DYNC2H1: variants seen among roughly 807,000 people sequenced by gnomAD.
DYNC2H1 encodes the protein cytoplasmic dynein 2 heavy chain 1.
In DYNC2H1, 410 loss-of-function variants were observed where a neutral mutation model predicts 570.0. The ratio of observed to expected loss-of-function variants is 0.72; its 90% CI spans 0.66 to 0.78. The LOEUF is 0.78. DYNC2H1 is among the 30% of genes least tolerant of loss of function. The probability of loss-of-function intolerance (pLI) is 0.00; values close to 1 mark genes in which losing one functional copy is unlikely to be tolerated. For missense variants in DYNC2H1, 4,865 were observed against 5,046.4 expected (o/e 0.96, Z 1.09); for synonymous variants, 1,688 against 1,677.6 (o/e 1.01, Z -0.15).
intron 84 of DYNC2H1, chr11:103,404,645 C>T (rs1942784913): frequency 1.3e-5 from 2 of 150,392 alleles, no homozygotes; most frequent in South Asian, 4.2e-4. Context: ...ATTGTATAAC[C>T]TGAAAATAAG....
chr11:103,216,214 C>G (rs1046422244), intron 55 of DYNC2H1, among the ~76,000 whole-genome samples: 1 of 152,046 alleles, frequency 6.6e-6, no homozygotes, highest in Admixed American at 6.6e-5. Flanking sequence ...TGAGAGTTTT[C>G]CTTGCTTTTA....
At chr11:103,434,543 T>TA (rs748983817) in intron 84 of DYNC2H1, among the ~76,000 whole-genome samples, 1 of 151,944 alleles carries the variant, frequency 6.6e-6, no homozygotes, top group Non-Finnish European at 1.5e-5. Flanking sequence ...GCCCATCACC[T>TA]AGTCTCAAGT....
intron 28 of DYNC2H1, among the ~76,000 whole-genome samples, chr11:103,160,561 C>T (rs1218612431): frequency 1.3e-5 from 2 of 151,966 alleles, no homozygotes; most frequent in Non-Finnish European, 2.9e-5. Context: ...ACAATTCTTA[C>T]TGATTGGTAC....
rs1389602553 is a variant in DYNC2H1, at chr11:103,209,191, TTCAGCTCTA to T, written c.8455-680_8455-672del. ...CTTGTGTTTTCTTCTTGCTGGTAAC[TTCAGCTCTA>T]TCAGGTGAAAGAAATTGAAGCTATT... On this transcript the variant is annotated intron_variant, in intron 52 of 88. Coordinates refer to ENST00000375735, the MANE Select transcript of DYNC2H1 (RefSeq NM_001377.3). The surrounding 1 kb of genome is among the most constrained non-coding windows in gnomAD (Gnocchi z 4.2). Among the ~76,000 whole-genome samples, 3 of 152,114 alleles carry T rather than the reference TTCAGCTCTA, an allele frequency of 2.0e-5. No individual in the cohort carries two copies. The highest frequency in any genetic ancestry group is 7.2e-5 in the African/African-American group (3 of 41,440).
rs565472286 is a variant in DYNC2H1, at chr11:103,264,124, G to A, written c.10695+4147G>A. Among the ~76,000 whole-genome samples, 285 of 151,984 alleles carry A rather than the reference G, an allele frequency of 1.9e-3. 2 individuals are homozygous for A. Among genetic ancestry groups the A allele is most frequent in the African/African-American group, 6.3e-3 (262 of 41,446 alleles). Reference sequence around the variant, plus strand: ...ATCTAGAAGAAATGGATAAATTCCTGGACACATACACCCTCCCAAGACTAA... The same window carrying A: ...ATCTAGAAGAAATGGATAAATTCCTAGACACATACACCCTCCCAAGACTAA... On this transcript the variant is annotated intron_variant, in intron 70 of 88. Transcript: ENST00000375735. The surrounding 1 kb of genome is among the most constrained non-coding windows in gnomAD (Gnocchi z 4.8).
At position 103,469,598 on chromosome 11, in the gene DYNC2H1, A is replaced by G. The variant is rs76835308; in HGVS notation, c.12765+893A>G. ...AAGGAAAATCTTAAAAAGCGATAGCAGTTAGCAACATTGCCAAGACAGCTA... is the reference window on the plus strand; with the variant it reads ...AAGGAAAATCTTAAAAAGCGATAGCGGTTAGCAACATTGCCAAGACAGCTA... On this transcript the variant is annotated intron_variant, in intron 88 of 88. Coordinates refer to ENST00000375735, the MANE Select transcript of DYNC2H1 (RefSeq NM_001377.3). Among the ~76,000 whole-genome samples the G allele has an allele frequency of 9.4e-3, 1,428 of 152,308 alleles. 18 individuals carry two copies. Among genetic ancestry groups the G allele is most frequent in the African/African-American group, 0.032 (1,351 of 41,580 alleles).
chr11:103,365,084 G>GGTGC (rs1940839002), intron 83 of DYNC2H1, among the ~76,000 whole-genome samples: 1 of 152,164 alleles, frequency 6.6e-6, no homozygotes, highest in African/African-American at 2.4e-5. Flanking sequence ...TTGGTGCCCA[G>GGTGC]GTGCGGTGGC....
chr11:103,350,472 C>T (rs999185132), intron 82 of DYNC2H1, among the ~76,000 whole-genome samples: 2 of 152,010 alleles, frequency 1.3e-5, no homozygotes, highest in African/African-American at 4.8e-5. Flanking sequence ...AGTTGGCATC[C>T]TTACCTTGCT....
At chr11:103,211,023 A>C (rs756039086) in intron 53 of DYNC2H1, among the ~76,000 whole-genome samples, 66 of 152,092 alleles carry the variant, frequency 4.3e-4, no homozygotes, top group Non-Finnish European at 5.7e-4. Flanking sequence ...AACCAAAAGC[A>C]ATTACATCAC....
chr11:103,227,151 T>C (rs1420473172), intron 59 of DYNC2H1, among the ~76,000 whole-genome samples: 5 of 152,120 alleles, frequency 3.3e-5, no homozygotes, highest in Non-Finnish European at 7.4e-5. Context: ...GTTTCATTTA[T>C]CTTTTGTATT....
At position 103,289,686 on chromosome 11, in the gene DYNC2H1, A is replaced by G. The variant is rs955319856; in HGVS notation, c.11095+2081A>G. 3.3e-5 allele frequency among the ~76,000 whole-genome samples: 5 copies of G among 152,150 alleles called. No homozygotes were observed. Among genetic ancestry groups the G allele is most frequent in the Non-Finnish European group, 5.9e-5 (4 of 68,018 alleles). On this transcript the variant is annotated intron_variant, in intron 75 of 88. Coordinates refer to ENST00000375735, the MANE Select transcript of DYNC2H1 (RefSeq NM_001377.3). This position sits in a 1 kb window ranked among gnomAD's most constrained non-coding sequence, Gnocchi z 4.2. ...TGAAGTGGGAGGATTTCTTGAACTC[A>G]GGAGTTCAAGGTTGCAGTGAGCTGT...
chr11:103,177,483 T>G lies in DYNC2H1; in HGVS notation c.5875-73T>G. ...CTTAATTTACACATTAGAACAAGTG[T>G]TACAGAATAAAAGCAGAACTAAGTA... On this transcript the variant is annotated intron_variant, in intron 37 of 88. Coordinates refer to ENST00000375735, the MANE Select transcript of DYNC2H1 (RefSeq NM_001377.3). The surrounding 1 kb of genome is among the most constrained non-coding windows in gnomAD (Gnocchi z 4.4). The G allele has an allele frequency of 6.8e-7, 1 of 1,464,034 alleles. No homozygotes were observed. Among genetic ancestry groups the G allele is most frequent in the Non-Finnish European group, 9.2e-7 (1 of 1,090,124 alleles). The allele number at this position is 1,464,034 out of a possible 1,614,324, so 90.7% of individuals were successfully genotyped here. A position where few individuals can be genotyped will look rare whatever the true frequency, so the allele number is the denominator to read the frequency against.
chr11:103,136,838 A>G (rs1010302203), intron 17 of DYNC2H1, among the ~76,000 whole-genome samples: 1 of 152,176 alleles, frequency 6.6e-6, no homozygotes, highest in Non-Finnish European at 1.5e-5. Context: ...TTACAGTCCC[A>G]CCAACAGTGT....
intron 82 of DYNC2H1, among the ~76,000 whole-genome samples, chr11:103,354,382 A>G (rs1474623879): frequency 6.6e-6 from 1 of 152,024 alleles, no homozygotes; most frequent in Non-Finnish European, 1.5e-5. Context: ...ACTAAATTTT[A>G]ATGTGCCATC....
chr11:103,136,546 G>C (rs929697429), intron 17 of DYNC2H1, among the ~76,000 whole-genome samples: 1 of 152,148 alleles, frequency 6.6e-6, no homozygotes, highest in Admixed American at 6.6e-5. Context: ...CCCTACAAAA[G>C]ACATGAACTC....
At chr11:103,300,109 C>T (rs1363929930) in intron 75 of DYNC2H1, among the ~76,000 whole-genome samples, 1 of 152,018 alleles carries the variant, frequency 6.6e-6, no homozygotes, top group Non-Finnish European at 1.5e-5. Flanking sequence ...ATCTATTATA[C>T]TTACTACGTA....
intron 17 of DYNC2H1, among the ~76,000 whole-genome samples, chr11:103,139,062 C>A (rs1435137395): frequency 1.3e-5 from 2 of 149,654 alleles, no homozygotes; most frequent in Non-Finnish European, 3.0e-5. Context: ...TGGTGATATC[C>A]CCTTTATCAT....
rs1224005723 is a variant in DYNC2H1 at position 103,141,986 on chromosome 11, C to A, written c.2575-1282C>A. Among the ~76,000 whole-genome samples, 3 of 152,228 alleles carry A rather than the reference C, an allele frequency of 2.0e-5. No individual in the cohort carries two copies. In the East Asian group the frequency reaches 5.8e-4, roughly 29 times the overall value. ...ACTGCTGTGCTAGCAGTCAGCGAGA[C>A]TCCATGGGCATAGGACCCTCCCAGC... is the stretch of plus-strand genomic sequence containing the variant. On this transcript the variant is annotated intron_variant, in intron 17 of 88. Transcript: ENST00000375735.
chr11:103,223,004 G>A lies in DYNC2H1; in HGVS notation c.9271G>A (p.Ala3091Thr). ...CAGTACTGCAGCTGCACCTTTGGCT[G>A]CCTGGGTGAAAGCCAATATTCAGTA... The part of the protein sequence containing the change: ...RASTAAAPLA[A>T]WVKANIQYSH... Residue 3091 changes from alanine (A) to threonine (T), a missense_variant, in exon 59 of 89, where the codon GCC becomes ACC. This residue lies in a region of DYNC2H1 where 2,401 missense variants were observed against 2,454.6 expected (regional missense o/e 0.98). Coordinates refer to ENST00000375735, the MANE Select transcript of DYNC2H1 (RefSeq NM_001377.3). 2 of 1,613,444 alleles carry A rather than the reference G, an allele frequency of 1.2e-6. No individual in the cohort carries two copies. The highest frequency in any genetic ancestry group is 1.1e-5 in the South Asian group (1 of 91,060).
Sources: allele counts gnomAD v4.1 joint callset (sites outside exome capture counted in the v4.1 genomes callset), GRCh38; gene constraint gnomAD v4.1.1; regional missense constraint gnomAD v4.1.1; non-coding constraint Gnocchi (gnomAD v3.1); transcripts MANE v1.5; gene names NCBI Gene and HGNC (gene_info 2026-07-23, HGNC 2026-07-21).